The following PAQR5 variants were observed in gnomAD, a reference collection of about 807,000 sequenced individuals.
PAQR5 encodes membrane progestin receptor gamma.
Under a neutral mutation model 34.5 loss-of-function variants are expected in PAQR5, and 20 were observed. The observed-to-expected ratio is 0.58, with a 90% confidence interval of 0.41 to 0.84. The LOEUF (loss-of-function observed/expected upper bound fraction) is 0.84. Ranked by LOEUF, PAQR5 falls within the 40% of genes least tolerant of loss-of-function variation. The pLI is 0.00. For synonymous variants in PAQR5, 131 were observed against 155.6 expected, an observed-to-expected ratio of 0.84 and a Z score of 1.18; for missense variants, 378 against 412.7, an observed-to-expected ratio of 0.92 and a Z score of 0.73.
chr15:69,324,548 C>T (rs1209784923), intron 1 of PAQR5, among the ~76,000 whole-genome samples: 1 of 152,188 alleles, frequency 6.6e-6, no homozygotes. Flanking sequence ...TGAAATTAGG[C>T]TGCATTCACT....
Position 69,330,784 on chromosome 15 carries a change from C to T in PAQR5, c.-276-6557C>T, listed in dbSNP as rs139494714. On this transcript the variant is annotated intron_variant, in intron 1 of 8. Transcript: ENST00000395407. ...CCAGTCTCCCACACAGCAGGCTCTG[C>T]GTGAATTACTCTTTCTCTATTGCAA... Among the ~76,000 whole-genome samples the T allele has an allele frequency of 4.7e-3, 720 of 152,334 alleles. 13 individuals carry two copies. The highest frequency in any genetic ancestry group is 0.016 in the African/African-American group (668 of 41,582).
At chr15:69,334,029 G>GT (rs984267704) in intron 1 of PAQR5, among the ~76,000 whole-genome samples, 3 of 152,004 alleles carry the variant, frequency 2.0e-5, no homozygotes, top group African/African-American at 7.2e-5. Flanking sequence ...AATAAAGACG[G>GT]TTTTTTTGTT....
At chr15:69,358,797 G>T (rs2055150931) in intron 2 of PAQR5, among the ~76,000 whole-genome samples, 1 of 151,552 alleles carries the variant, frequency 6.6e-6, no homozygotes, top group East Asian at 1.9e-4. Flanking sequence ...TTTCTTCTTT[G>T]TAGAAACAAG....
intron 2 of PAQR5, among the ~76,000 whole-genome samples, chr15:69,350,099 A>G (rs183835855): frequency 6.6e-6 from 1 of 152,326 alleles, no homozygotes; most frequent in East Asian, 1.9e-4. Flanking sequence ...CTTAATTGGA[A>G]AAGTTAAATG....
intron 2 of PAQR5, among the ~76,000 whole-genome samples, chr15:69,349,811 T>G (rs1316699076): frequency 6.6e-6 from 1 of 151,812 alleles, no homozygotes; most frequent in Non-Finnish European, 1.5e-5. Context: ...CCGGCTAATT[T>G]TTGTATTTTT....
intron 2 of PAQR5, among the ~76,000 whole-genome samples, chr15:69,350,889 G>C (rs182045633): frequency 1.5e-4 from 23 of 152,354 alleles, no homozygotes; most frequent in Admixed American, 1.3e-3. Flanking sequence ...CAGGGTAACT[G>C]TGCTTTAGGA....
At chr15:69,312,889 A>G (rs990223202) in intron 1 of PAQR5, among the ~76,000 whole-genome samples, 1 of 152,128 alleles carries the variant, frequency 6.6e-6, no homozygotes, top group Non-Finnish European at 1.5e-5. Context: ...ATGCTGGCCT[A>G]GGTCACAGTC....
intron 1 of PAQR5, among the ~76,000 whole-genome samples, chr15:69,302,870 CAGAGTA>C (rs1595823387): frequency 6.6e-6 from 1 of 152,330 alleles, no homozygotes; most frequent in East Asian, 1.9e-4. Flanking sequence ...AAGGATGCAG[CAGAGTA>C]AGAGCTTTAG....
chr15:69,318,920 G>T (rs2054016818), intron 1 of PAQR5, among the ~76,000 whole-genome samples: 1 of 151,604 alleles, frequency 6.6e-6, no homozygotes, highest in African/African-American at 2.4e-5. Flanking sequence ...CACCACCTAA[G>T]GTCGGGTGTT....
At chr15:69,351,760 A>G (rs1242232920) in intron 2 of PAQR5, among the ~76,000 whole-genome samples, 1 of 152,126 alleles carries the variant, frequency 6.6e-6, no homozygotes, top group African/African-American at 2.4e-5. Flanking sequence ...AATCTGACAA[A>G]ATTCAGGGGC....
Position 69,405,522 on chromosome 15 carries a change from GT to G in PAQR5, c.*1705del, listed in dbSNP as rs2056740746. On this transcript the variant is annotated 3_prime_UTR_variant, in exon 9 of 9. Transcript: ENST00000395407. ...AATTGCAAGCTGCATGACAAAATTT[GT>G]TTTTCTGGCAACAATCTGACATTAT... 1 of 152,194 alleles carries G rather than the reference GT, an allele frequency of 6.6e-6. No individual in the cohort carries two copies. The highest frequency in any genetic ancestry group is 2.1e-4 in the South Asian group (1 of 4,830). The allele number at this position is 152,194 out of a possible 1,614,324, so 9.4% of individuals were successfully genotyped here.
intron 2 of PAQR5, among the ~76,000 whole-genome samples, chr15:69,354,013 G>A (rs2054993454): frequency 6.6e-6 from 1 of 152,206 alleles, no homozygotes; most frequent in Admixed American, 6.5e-5. Context: ...GTGAGGAAGA[G>A]TATGTCTGGA....
chr15:69,303,474 A>G (rs2053648739), intron 1 of PAQR5, among the ~76,000 whole-genome samples: 1 of 152,078 alleles, frequency 6.6e-6, no homozygotes, highest in South Asian at 2.1e-4. Flanking sequence ...TGCTCTCCCA[A>G]GGCAGCCAAT....
In PAQR5 at chr15:69,317,707, C is replaced by T. The variant is rs543954209; in HGVS notation, c.-277+18651C>T. Among the ~76,000 whole-genome samples the T allele has an allele frequency of 1.1e-3, 170 of 152,250 alleles. No individual in the cohort carries two copies. The Middle Eastern group carries it at 0.02, about 18-fold the overall frequency. On this transcript the variant is annotated intron_variant, in intron 1 of 8. Transcript: ENST00000395407. ...TAGGGAGGTGCAGCAGCTCCCTGGA[C>T]GCTCCCTCACTGGCCTGGCATTGAA...
At chr15:69,389,471 G>A (rs2056196471) in intron 5 of PAQR5, among the ~76,000 whole-genome samples, 183 bp from the exon 6 acceptor site, 1 of 152,214 alleles carries the variant, frequency 6.6e-6, no homozygotes, top group Non-Finnish European at 1.5e-5. Flanking sequence ...CTCAGGATGG[G>A]ATTTGGGTGG....
In PAQR5 at chr15:69,404,858, C is replaced by T. The variant is rs569186518; in HGVS notation, c.*1036C>T. The T allele has an allele frequency of 6.8e-5, 27 of 398,154 alleles. 1 individual carries two copies. The South Asian group carries it at 3.5e-3, about 52-fold the overall frequency. The allele number at this position is 398,154 out of a possible 1,614,324, so 24.7% of individuals were successfully genotyped here. On this transcript the variant is annotated 3_prime_UTR_variant, in exon 9 of 9. Coordinates refer to ENST00000395407, the MANE Select transcript of PAQR5 (RefSeq NM_017705.4). ...TCCTAGGGAAAACCAGGGGGTTCTG[C>T]TTCACTAGGTTAAATGTAGGTTTTG... is the stretch of plus-strand genomic sequence containing the variant.
intron 2 of PAQR5, among the ~76,000 whole-genome samples, chr15:69,359,166 A>C (rs1299156758): frequency 6.6e-6 from 1 of 152,086 alleles, no homozygotes; most frequent in African/African-American, 2.4e-5. Context: ...TATGAGCACT[A>C]ATCCCACTCG....
intron 6 of PAQR5, chr15:69,397,241 T>G (rs1184904414): frequency 1.5e-6 from 1 of 675,218 alleles, no homozygotes; most frequent in Non-Finnish European, 2.7e-6. Flanking sequence ...CTTCCCATGG[T>G]CAGGAGATGG....
At chr15:69,358,632 C>CCTTTTTTTTTTT (rs1567019143) in intron 2 of PAQR5, among the ~76,000 whole-genome samples, 2 of 6,572 alleles carry the variant, frequency 3.0e-4, no homozygotes, top group Non-Finnish European at 3.2e-4. Context: ...AGCTCTGTGG[C>CCTTTTTTTTTTT]ATTTTTTTTT....
Sources: gnomAD v4.1 joint callset for allele counts (sites outside exome capture counted in the v4.1 genomes callset) on GRCh38, gnomAD v4.1.1 for gene constraint, MANE v1.5 for transcripts, NCBI Gene and HGNC (gene_info 2026-07-23, HGNC 2026-07-21) for gene names.